AGPAT4: variants seen among roughly 807,000 people sequenced by gnomAD.
The protein encoded by AGPAT4 is 1-acylglycerol-3-phosphate O-acyltransferase 4.
Under a neutral mutation model 48.0 loss-of-function variants are expected in AGPAT4, and 15 were observed. That is an observed-to-expected ratio of 0.31 (90% CI 0.21 to 0.48). The LOEUF is 0.48. AGPAT4 is among the 20% of genes least tolerant of loss of function. The pLI, the probability that AGPAT4 is intolerant of heterozygous loss-of-function variation, is 0.99. For missense variants in AGPAT4, 314 were observed against 482.5 expected (o/e 0.65, Z 3.27); for synonymous variants, 178 against 198.7 (o/e 0.90, Z 0.88).
intron 3 of AGPAT4, among the ~76,000 whole-genome samples, chr6:161,162,835 C>T (rs764789881): frequency 3.3e-5 from 5 of 152,220 alleles, no homozygotes; most frequent in Admixed American, 1.3e-4. Flanking sequence ...TGCAACCAGC[C>T]GGGACCTGCT....
In AGPAT4 at chr6:161,242,078, A is replaced by T. The variant is rs778806885; in HGVS notation, c.-89-9776T>A. On this transcript the variant is annotated intron_variant, in intron 1 of 8. Transcript: ENST00000320285. The surrounding 1 kb of genome is among the most constrained non-coding windows in gnomAD (Gnocchi z 5.0). Reference sequence around the variant, plus strand: ...ATCATAGGGCTTCTGAATCATAACCAGTGCAGCAGCATCAGTATAAAAAAT... The same window carrying T: ...ATCATAGGGCTTCTGAATCATAACCTGTGCAGCAGCATCAGTATAAAAAAT... Among the ~76,000 whole-genome samples the T allele has an allele frequency of 6.6e-6, 1 of 152,206 alleles. No individual in the cohort carries two copies. The highest frequency in any genetic ancestry group is 1.5e-5 in the Non-Finnish European group (1 of 68,026).
In AGPAT4 at chr6:161,259,752, C is replaced by T. The variant is rs973481421; in HGVS notation, c.-90+14186G>A. ...CACCTTGAGCTTACCAACAGGGCAA[C>T]TCCTCAAATGTGACCAAGGAAGAGA... On this transcript the variant is annotated intron_variant, in intron 1 of 8. Coordinates refer to ENST00000320285, the MANE Select transcript of AGPAT4 (RefSeq NM_020133.3). This position sits in a 1 kb window ranked among gnomAD's most constrained non-coding sequence, Gnocchi z 4.9. 2.0e-5 allele frequency among the ~76,000 whole-genome samples: 3 copies of T among 152,114 alleles called. No individual in the cohort carries two copies. The South Asian group carries it at 6.2e-4, about 32-fold the overall frequency.
chr6:161,152,927 T>C (rs886446450), intron 5 of AGPAT4, among the ~76,000 whole-genome samples: 3 of 152,224 alleles, frequency 2.0e-5, no homozygotes, highest in African/African-American at 7.2e-5. Context: ...GATGGCCATT[T>C]AGGGTTCCAG....
chr6:161,202,314 T>G lies in AGPAT4; in HGVS notation c.178+29722A>C, dbSNP rs1781258596. ...TGGTGCTGGCTATTGGCTGTAGATCTCAATTCCTCTTCTCATGGGCCCGTC... is the reference window on the plus strand; with the variant it reads ...TGGTGCTGGCTATTGGCTGTAGATCGCAATTCCTCTTCTCATGGGCCCGTC... On this transcript the variant is annotated intron_variant, in intron 2 of 8. Transcript: ENST00000320285. The surrounding 1 kb of genome is among the most constrained non-coding windows in gnomAD (Gnocchi z 5.4). 6.6e-6 allele frequency among the ~76,000 whole-genome samples: 1 copy of G among 152,040 alleles called. No individual in the cohort carries two copies. Among genetic ancestry groups the G allele is most frequent in the South Asian group, 2.1e-4 (1 of 4,816 alleles).
chr6:161,135,099 G>A lies in AGPAT4; in HGVS notation c.*1441C>T, dbSNP rs1303926789. 6.7e-6 allele frequency: 1 copy of A among 149,330 alleles called. No homozygotes were observed. The highest frequency in any genetic ancestry group is 2.5e-5 in the African/African-American group (1 of 40,178). 9.3% of individuals were successfully genotyped at this position (149,330 alleles called of 1,614,324 possible). On this transcript the variant is annotated 3_prime_UTR_variant, in exon 9 of 9. Transcript: ENST00000320285. ...TTACCTAGTTTGGTTGATAAACAAT[G>A]ACTAAATGAGCAAATAGCCAAAAAC...
In AGPAT4 at chr6:161,165,856, G is replaced by C. The variant is rs1020742793; in HGVS notation, c.348+392C>G. ...CTGCCTGTTAGCCAAGGAGGCAGTA[G>C]AGCATGGAATTAAGAAATATGGATG... On this transcript the variant is annotated intron_variant, in intron 3 of 8. Coordinates refer to ENST00000320285, the MANE Select transcript of AGPAT4 (RefSeq NM_020133.3). This position sits in a 1 kb window ranked among gnomAD's most constrained non-coding sequence, Gnocchi z 5.5. 5.1e-6 allele frequency: 3 copies of C among 592,602 alleles called. No individual in the cohort carries two copies. The highest frequency in any genetic ancestry group is 1.9e-5 in the African/African-American group (1 of 53,916). The allele number at this position is 592,602 out of a possible 1,614,324, so 36.7% of individuals were successfully genotyped here. A position where few individuals can be genotyped will look rare whatever the true frequency, so the allele number is the denominator to read the frequency against.
chr6:161,269,180 C>G (rs769376613), intron 1 of AGPAT4, among the ~76,000 whole-genome samples: 2 of 152,080 alleles, frequency 1.3e-5, no homozygotes, highest in Non-Finnish European at 2.9e-5. Context: ...TGAATGGGAA[C>G]CTTGAGAGAT....
rs1311973187 is a variant in AGPAT4, at chr6:161,135,660, T to C, written c.*880A>G. 2 of 151,842 alleles carry C rather than the reference T, an allele frequency of 1.3e-5. No homozygotes were observed. Among genetic ancestry groups the C allele is most frequent in the Non-Finnish European group, 2.9e-5 (2 of 68,058 alleles). The allele number at this position is 151,842 out of a possible 1,614,324, so 9.4% of individuals were successfully genotyped here. A position where few individuals can be genotyped will look rare whatever the true frequency, so the allele number is the denominator to read the frequency against. Reference sequence around the variant, plus strand: ...TATCAGGGGTGACTTTGGCTGTCACTGCTGAGAGGAACAGTCGATGCAAGC... The same window carrying C: ...TATCAGGGGTGACTTTGGCTGTCACCGCTGAGAGGAACAGTCGATGCAAGC... On this transcript the variant is annotated 3_prime_UTR_variant, in exon 9 of 9. Coordinates refer to ENST00000320285, the MANE Select transcript of AGPAT4 (RefSeq NM_020133.3).
At position 161,168,745 on chromosome 6, in the gene AGPAT4, C is replaced by A. The variant is rs564308297; in HGVS notation, c.179-2328G>T. Among the ~76,000 whole-genome samples, 8 of 152,314 alleles carry A rather than the reference C, an allele frequency of 5.3e-5. No individual in the cohort carries two copies. The East Asian group carries it at 1.5e-3, about 29-fold the overall frequency. On this transcript the variant is annotated intron_variant, in intron 2 of 8. Coordinates refer to ENST00000320285, the MANE Select transcript of AGPAT4 (RefSeq NM_020133.3). ...CAGGGAAAAGACAGCTACACAACCA[C>A]AAAACAACATGACAGGGAAAGGAGA...
chr6:161,185,978 TAA>T, intron 2 of AGPAT4, among the ~76,000 whole-genome samples: 1 of 152,294 alleles, frequency 6.6e-6, no homozygotes, highest in East Asian at 1.9e-4. Flanking sequence ...TCCCGAAGAG[TAA>T]AAGTAGTCCC....
rs1274728160 is a variant in AGPAT4 at position 161,141,606 on chromosome 6, T to C, written c.844-1986A>G. ...TTTTTTTTTAAAAAAAAAACAGCTT[T>C]CTTAAGATGTCACTTACATGCCATA... On this transcript the variant is annotated intron_variant, in intron 7 of 8. Transcript: ENST00000320285. This position sits in a 1 kb window ranked among gnomAD's most constrained non-coding sequence, Gnocchi z 6.7. Among the ~76,000 whole-genome samples, 3 of 152,098 alleles carry C rather than the reference T, an allele frequency of 2.0e-5. No individual in the cohort carries two copies. The highest frequency in any genetic ancestry group is 4.4e-5 in the Non-Finnish European group (3 of 68,000).
At chr6:161,152,920 G>A (rs2114965325) in intron 5 of AGPAT4, among the ~76,000 whole-genome samples, 1 of 152,334 alleles carries the variant, frequency 6.6e-6, no homozygotes, top group East Asian at 1.9e-4. Context: ...TCTTACCGAT[G>A]GCCATTTAGG....
intron 2 of AGPAT4, among the ~76,000 whole-genome samples, chr6:161,191,743 T>C (rs1371921644): frequency 1.3e-5 from 2 of 152,170 alleles, no homozygotes; most frequent in East Asian, 1.9e-4. Flanking sequence ...ATTACATGAG[T>C]TGGGAGACTG....
rs577281258 is a variant in AGPAT4, at chr6:161,215,471, G to A, written c.178+16565C>T. Among the ~76,000 whole-genome samples, 92 of 152,184 alleles carry A rather than the reference G, an allele frequency of 6.0e-4. No homozygotes were observed. Among genetic ancestry groups the A allele is most frequent in the African/African-American group, 2.1e-3 (88 of 41,532 alleles). ...AGTGACTCACCCTGATCTCATGCTC[G>A]GTAATCAGGTTCAGATATCCTGGTC... On this transcript the variant is annotated intron_variant, in intron 2 of 8. Transcript: ENST00000320285. The surrounding 1 kb of genome is among the most constrained non-coding windows in gnomAD (Gnocchi z 4.5).
chr6:161,166,068 A>G lies in AGPAT4; in HGVS notation c.348+180T>C, dbSNP rs1300846714. 5.2e-6 allele frequency: 4 copies of G among 773,368 alleles called. No individual in the cohort carries two copies. The highest frequency in any genetic ancestry group is 2.4e-4 in the Middle Eastern group (1 of 4,224). The allele number at this position is 773,368 out of a possible 1,614,324, so 47.9% of individuals were successfully genotyped here. On this transcript the variant is annotated intron_variant, in intron 3 of 8. Transcript: ENST00000320285. This position sits in a 1 kb window ranked among gnomAD's most constrained non-coding sequence, Gnocchi z 6.7. ...TGTTGAGTACCTCTTATGATTGCCCATAAGAAGCTGTTAAGACTGACTCCC... is the reference window on the plus strand; with the variant it reads ...TGTTGAGTACCTCTTATGATTGCCCGTAAGAAGCTGTTAAGACTGACTCCC...
intron 2 of AGPAT4, among the ~76,000 whole-genome samples, chr6:161,230,748 A>G (rs924639914): frequency 3.9e-5 from 6 of 152,254 alleles, no homozygotes; most frequent in African/African-American, 1.4e-4. Context: ...AGAGACAAAT[A>G]GACTAAAGTT....
At chr6:161,170,827 C>A (rs149955858) in intron 2 of AGPAT4, among the ~76,000 whole-genome samples, 18 of 152,340 alleles carry the variant, frequency 1.2e-4, no homozygotes, top group African/African-American at 4.3e-4. Context: ...GGCTTTCTAA[C>A]TGCTCAGGGC....
chr6:161,206,411 T>G lies in AGPAT4; in HGVS notation c.178+25625A>C, dbSNP rs578062109. 3.1e-4 allele frequency among the ~76,000 whole-genome samples: 47 copies of G among 152,226 alleles called. No individual in the cohort carries two copies. The highest frequency in any genetic ancestry group is 1.0e-3 in the African/African-American group (43 of 41,524). ...ACCATCCTGGAGACCTGGTGGGAAA[T>G]CTGAACTCCCACCTTTGCACAGCAG... On this transcript the variant is annotated intron_variant, in intron 2 of 8. Coordinates refer to ENST00000320285, the MANE Select transcript of AGPAT4 (RefSeq NM_020133.3). The surrounding 1 kb of genome is among the most constrained non-coding windows in gnomAD (Gnocchi z 4.8).
At chr6:161,145,349 G>A (rs1013541150) in intron 7 of AGPAT4, among the ~76,000 whole-genome samples, 1 of 151,600 alleles carries the variant, frequency 6.6e-6, no homozygotes, top group Non-Finnish European at 1.5e-5. Context: ...CATACAATTT[G>A]TAATTTGTGT....
Sources: gnomAD v4.1 joint callset for allele counts (sites outside exome capture counted in the v4.1 genomes callset) on GRCh38, gnomAD v4.1.1 for gene constraint, Gnocchi (gnomAD v3.1) non-coding constraint, MANE v1.5 for transcripts, NCBI Gene and HGNC (gene_info 2026-07-23, HGNC 2026-07-21) for gene names.